FSTL1: variants seen among roughly 807,000 people sequenced by gnomAD.
FSTL1 encodes follistatin like 1, also known as follistatin-related protein 1.
In FSTL1, 24 loss-of-function variants were observed where a neutral mutation model predicts 45.9. The observed-to-expected ratio is 0.52, with a 90% CI of 0.38 to 0.74. The LOEUF is 0.74. Among genes scored for constraint, FSTL1 ranks in the 30% least tolerant of loss-of-function variants. The pLI, the probability that FSTL1 is intolerant of heterozygous loss-of-function variation, is 0.00. For synonymous variants in FSTL1, 120 were observed against 137.6 expected, an observed-to-expected ratio of 0.87 and a Z score of 0.89; for missense variants, 340 against 381.8, an observed-to-expected ratio of 0.89 and a Z score of 0.91.
intron 2 of FSTL1, among the ~76,000 whole-genome samples, chr3:120,440,249 G>A (rs1473618305): frequency 1.3e-5 from 2 of 152,232 alleles, no homozygotes; most frequent in African/African-American, 4.8e-5. Flanking sequence ...ATTCCAAATG[G>A]AGGTCATGCC....
chr3:120,421,995 C>G (rs1937286717), intron 2 of FSTL1, among the ~76,000 whole-genome samples: 1 of 152,140 alleles, frequency 6.6e-6, no homozygotes. Context: ...TCCCCATTTG[C>G]CCTATTATTT....
At chr3:120,412,617 A>AC (rs1417736418) in intron 3 of FSTL1, among the ~76,000 whole-genome samples, 14 of 151,950 alleles carry the variant, frequency 9.2e-5, no homozygotes, top group Admixed American at 6.6e-5. Flanking sequence ...AAACAAAGAC[A>AC]CCCCCCACAT....
At chr3:120,431,123 CACCA>C (rs1937470461) in intron 2 of FSTL1, among the ~76,000 whole-genome samples, 1 of 152,110 alleles carries the variant, frequency 6.6e-6, no homozygotes, top group Non-Finnish European at 1.5e-5. Context: ...AGGTGCCTGC[CACCA>C]TGCCCGGACA....
At chr3:120,421,933 T>G (rs1937286049) in intron 2 of FSTL1, among the ~76,000 whole-genome samples, 1 of 152,240 alleles carries the variant, frequency 6.6e-6, no homozygotes, top group African/African-American at 2.4e-5. Context: ...GCAAGACCCT[T>G]GCAAATAAAA....
intron 2 of FSTL1, among the ~76,000 whole-genome samples, chr3:120,428,681 C>T (rs1335941209): frequency 6.6e-6 from 1 of 152,144 alleles, no homozygotes. Flanking sequence ...TTGCAATGAG[C>T]CTAGATTGCA....
At chr3:120,415,122 CAAAA>C (rs36113603) in intron 3 of FSTL1, among the ~76,000 whole-genome samples, 5 of 122,208 alleles carry the variant, frequency 4.1e-5, no homozygotes, top group African/African-American at 1.4e-4. Context: ...GTTTGTTTTT[CAAAA>C]AAAAAAAAAC....
chr3:120,426,254 C>A (rs1041157656), intron 2 of FSTL1, among the ~76,000 whole-genome samples: 3 of 152,260 alleles, frequency 2.0e-5, no homozygotes, highest in South Asian at 2.1e-4. Flanking sequence ...TCAAGACAGG[C>A]AGTTTTAGAA....
chr3:120,404,876 G>A lies in FSTL1; in HGVS notation c.558C>T (p.Asp186=), dbSNP rs759485845. 4 of 1,573,802 alleles carry A rather than the reference G, an allele frequency of 2.5e-6. No individual in the cohort carries two copies. Among genetic ancestry groups the A allele is most frequent in the South Asian group, 2.2e-5 (2 of 90,302 alleles). Residue 186 remains aspartate (D), a synonymous_variant, in exon 7 of 11, where the codon GAC becomes GAT. Transcript: ENST00000295633. ...ACCTAAGCAACTTGTTGTTCTCCTG[G>A]TCTGGATACGTTGTAATATTGATGG... ...ETAINITTYP[D]QENNKLLRGL... is the part of the protein sequence containing the mutation.
rs9860938 is a variant in FSTL1, at chr3:120,403,983, C to A, written c.582-629G>T. On this transcript the variant is annotated intron_variant, in intron 7 of 10. Coordinates refer to ENST00000295633, the MANE Select transcript of FSTL1 (RefSeq NM_007085.5). ...AAACAAAAACAAAAACAAAAAAAAA[C>A]AAAAAACAAAACAAACAAAAAAAAA... 9.0e-3 allele frequency among the ~76,000 whole-genome samples: 664 copies of A among 73,970 alleles called. 11 individuals carry two copies. The highest frequency in any genetic ancestry group is 0.035 in the African/African-American group (588 of 16,864). 48.5% of individuals were successfully genotyped at this position (73,970 alleles called of 152,430 possible).
intron 2 of FSTL1, among the ~76,000 whole-genome samples, chr3:120,439,392 C>T (rs889769197): frequency 7.9e-5 from 12 of 152,196 alleles, no homozygotes; most frequent in African/African-American, 2.9e-4. Context: ...ACTGTGGGTA[C>T]AAGAAACCAG....
At position 120,394,031 on chromosome 3, in the gene FSTL1, T is replaced by G. The variant is rs1189718221; in HGVS notation, c.*2921A>C. On this transcript the variant is annotated 3_prime_UTR_variant, in exon 11 of 11. Transcript: ENST00000295633. ...GTCTGAGGCATTTTGTTATAGCAAC[T>G]TGAAGGGACTAAGACACTTTCTGAC... The G allele has an allele frequency of 6.6e-6, 1 of 152,224 alleles. No individual in the cohort carries two copies. The highest frequency in any genetic ancestry group is 1.9e-4 in the East Asian group (1 of 5,194). 9.4% of individuals were successfully genotyped at this position (152,224 alleles called of 1,614,324 possible). A position where few individuals can be genotyped will look rare whatever the true frequency, so the allele number is the denominator to read the frequency against.
At position 120,403,237 on chromosome 3, in the gene FSTL1, C is replaced by T. The variant is rs1936863218; in HGVS notation, c.694+5G>A. On this transcript the variant is annotated splice_donor_5th_base_variant and intron_variant, in intron 8 of 10. Transcript: ENST00000295633. The stretch of plus-strand genomic sequence containing the variant: ...ACAGCTCTCTATTTCTTAGGTTAGG[C>T]ATACTCTTCTCAGGAGGGTTGAAAG... The T allele has an allele frequency of 1.1e-5, 16 of 1,476,664 alleles. No homozygotes were observed. Among genetic ancestry groups the T allele is most frequent in the Non-Finnish European group, 1.4e-5 (15 of 1,054,348 alleles). The allele number at this position is 1,476,664 out of a possible 1,614,324, so 91.5% of individuals were successfully genotyped here.
In FSTL1 at chr3:120,396,842, T is replaced by C. The variant is rs766430327; in HGVS notation, c.*110A>G. 9 of 780,924 alleles carry C rather than the reference T, an allele frequency of 1.2e-5. No homozygotes were observed. The highest frequency in any genetic ancestry group is 1.8e-5 in the Non-Finnish European group (8 of 441,178). The allele number at this position is 780,924 out of a possible 1,614,324, so 48.4% of individuals were successfully genotyped here. On this transcript the variant is annotated 3_prime_UTR_variant, in exon 11 of 11. Transcript: ENST00000295633. ...ATAAACAAAATAAAACTCATTGCTA[T>C]ATAAGCAAATACTGGTGATTTGGCG...
intron 9 of FSTL1, among the ~76,000 whole-genome samples, chr3:120,402,440 A>G (rs1560010809): frequency 6.6e-6 from 1 of 151,752 alleles, no homozygotes; most frequent in East Asian, 1.9e-4. Context: ...AATAATAATT[A>G]TTGTTTTTAT....
chr3:120,436,261 A>G (rs1213012048), intron 2 of FSTL1, among the ~76,000 whole-genome samples: 1 of 152,136 alleles, frequency 6.6e-6, no homozygotes, highest in Admixed American at 6.6e-5. Flanking sequence ...TAGCTTGGGG[A>G]GTTTTATTAA....
At chr3:120,397,802 C>T (rs1426282725) in intron 10 of FSTL1, among the ~76,000 whole-genome samples, 3 of 152,134 alleles carry the variant, frequency 2.0e-5, no homozygotes, top group East Asian at 1.9e-4. Flanking sequence ...AAAACTTGTG[C>T]GAAAATGTTC....
At chr3:120,409,412 A>G (rs1279896060) in intron 6 of FSTL1, 120 bp downstream of exon 6, 1 of 888,612 alleles carries the variant, frequency 1.1e-6, no homozygotes, top group Non-Finnish European at 1.8e-6. Flanking sequence ...TGATGAGGAA[A>G]CTCAGGGTGT....
rs1228174203 is a variant in FSTL1 at position 120,416,904 on chromosome 3, G to A, written c.64-877C>T. The stretch of plus-strand genomic sequence containing the variant: ...GAATGTGGGGGTATTGACAGGCACT[G>A]ATCTGTTGGTGGCTCATCCCTTCCC... On this transcript the variant is annotated intron_variant, in intron 2 of 10. Coordinates refer to ENST00000295633, the MANE Select transcript of FSTL1 (RefSeq NM_007085.5). Among the ~76,000 whole-genome samples the A allele has an allele frequency of 2.6e-5, 4 of 152,326 alleles. No homozygotes were observed. The East Asian group carries it at 7.7e-4, about 29-fold the overall frequency.
chr3:120,396,050 C>A lies in FSTL1; in HGVS notation c.*902G>T. 4.8e-6 allele frequency: 1 copy of A among 209,986 alleles called. No homozygotes were observed. The highest frequency in any genetic ancestry group is 9.3e-6 in the Non-Finnish European group (1 of 107,086). 13.0% of individuals were successfully genotyped at this position (209,986 alleles called of 1,614,324 possible). ...CCTTGCTCCTCTGGCAGATAGTGGA[C>A]TGCTGGAAGCTAGGGGGGCCAACTA... On this transcript the variant is annotated 3_prime_UTR_variant, in exon 11 of 11. Transcript: ENST00000295633.
Sources: allele counts gnomAD v4.1 joint callset (sites outside exome capture counted in the v4.1 genomes callset), GRCh38; gene constraint gnomAD v4.1.1; transcripts MANE v1.5; gene names NCBI Gene and HGNC (gene_info 2026-07-23, HGNC 2026-07-21).